CERT1: variants seen among roughly 807,000 people sequenced by gnomAD.
The protein encoded by CERT1 is ceramide transporter 1.
A neutral mutation model predicts 87.9 loss-of-function variants in CERT1; 31 were observed. That is an observed-to-expected ratio of 0.35 (90% CI 0.27 to 0.48). CERT1 has a LOEUF of 0.48. Ranked by LOEUF, CERT1 falls within the 20% of genes least tolerant of loss-of-function variation. The pLI is 0.99. For missense variants in CERT1, 487 were observed against 758.0 expected, an observed-to-expected ratio of 0.64 and a Z score of 4.20; for synonymous variants, 289 against 250.9, an observed-to-expected ratio of 1.15 and a Z score of -1.44.
rs151232177 is a variant in CERT1 at position 75,382,137 on chromosome 5, G to A, written c.1489-60C>T. 668 of 1,500,332 alleles carry A rather than the reference G, an allele frequency of 4.5e-4. 7 individuals are homozygous for A. The South Asian group carries it at 6.1e-3, about 14-fold the overall frequency. 92.9% of individuals were successfully genotyped at this position (1,500,332 alleles called of 1,614,324 possible). On this transcript the variant is annotated intron_variant, in intron 14 of 16. Transcript: ENST00000643780. ...CTAACATGGAACTAACAAGAGAAAC[G>A]TAATGCCAATAAATGTCTTAATTGA...
chr5:75,418,176 T>C (rs1242733649), intron 6 of CERT1, among the ~76,000 whole-genome samples: 1 of 151,656 alleles, frequency 6.6e-6, no homozygotes, highest in Non-Finnish European at 1.5e-5. Context: ...ATAATAATAA[T>C]CACCAAGCCC....
At chr5:75,435,712 T>A (rs1392451538) in intron 3 of CERT1, among the ~76,000 whole-genome samples, 1 of 152,196 alleles carries the variant, frequency 6.6e-6, no homozygotes, top group Admixed American at 6.5e-5. Flanking sequence ...TCAGCACTCC[T>A]TAGCGATGTG....
intron 12 of CERT1, 92 bp downstream of exon 12, chr5:75,389,500 G>C: frequency 2.2e-6 from 2 of 911,872 alleles, no homozygotes; most frequent in Non-Finnish European, 1.8e-6. Flanking sequence ...AAGGTAAGTT[G>C]AAAGTGCTAT....
chr5:75,391,432 G>C (rs892440719), intron 11 of CERT1, among the ~76,000 whole-genome samples: 4 of 152,076 alleles, frequency 2.6e-5, no homozygotes, highest in Non-Finnish European at 4.4e-5. Context: ...ATCTACTTTT[G>C]TACTAAATAA....
intron 3 of CERT1, among the ~76,000 whole-genome samples, chr5:75,435,343 G>A (rs1216745433): frequency 1.3e-5 from 2 of 152,180 alleles, no homozygotes; most frequent in African/African-American, 4.8e-5. Context: ...CTGTTTAACT[G>A]TGTTCCTTGG....
At chr5:75,447,502 G>T (rs925255887) in intron 3 of CERT1, among the ~76,000 whole-genome samples, 1 of 145,702 alleles carries the variant, frequency 6.9e-6, no homozygotes, top group Non-Finnish European at 1.5e-5. Flanking sequence ...ACGGAGTTTC[G>T]CTCTGTTGCC....
Position 75,384,678 on chromosome 5 carries a change from T to C in CERT1, c.1452A>G (p.Leu484=). ...TIENFHVVET[L]ADNAIIIYQT... ...GATAAATGATGATTGCATTATCAGC[T>C]AATGTTTCCACCACATGAAAGTTTT... Residue 484 remains leucine (L), a synonymous_variant, in exon 14 of 17, where the codon TTA becomes TTG. Transcript: ENST00000643780. 5 of 1,606,444 alleles carry C rather than the reference T, an allele frequency of 3.1e-6. No homozygotes were observed. Among genetic ancestry groups the C allele is most frequent in the Non-Finnish European group, 4.3e-6 (5 of 1,173,410 alleles).
At chr5:75,491,372 C>G (rs1043438839) in intron 2 of CERT1, among the ~76,000 whole-genome samples, 1 of 152,044 alleles carries the variant, frequency 6.6e-6, no homozygotes, top group African/African-American at 2.4e-5. Context: ...TTTCTGTCTT[C>G]CAGAAGTTAG....
intron 17 of CERT1, chr5:75,369,265 G>A (rs760019324): frequency 2.6e-5 from 4 of 152,056 alleles, no homozygotes; most frequent in Admixed American, 6.6e-5. Flanking sequence ...CTGGTTTATC[G>A]GAACGCAGCC....
chr5:75,427,107 C>T (rs944532393), intron 3 of CERT1, among the ~76,000 whole-genome samples: 3 of 152,162 alleles, frequency 2.0e-5, no homozygotes, highest in Non-Finnish European at 4.4e-5. Flanking sequence ...TTTTGCTAGT[C>T]TGTTAAGTCA....
At chr5:75,376,150 C>T (rs1343086523), downstream of CERT1, 1 of 152,186 alleles carries the variant, frequency 6.6e-6, no homozygotes, top group Non-Finnish European at 1.5e-5. Context: ...CGCTCTAAAT[C>T]CAAGTCTAGA....
chr5:75,441,315 C>T (rs1461498871), intron 3 of CERT1, among the ~76,000 whole-genome samples: 1 of 152,062 alleles, frequency 6.6e-6, no homozygotes, highest in Non-Finnish European at 1.5e-5. Flanking sequence ...ATAGACTATA[C>T]CATCTATACA....
At chr5:75,396,396 C>A (rs895047601) in intron 11 of CERT1, among the ~76,000 whole-genome samples, 3 of 152,130 alleles carry the variant, frequency 2.0e-5, no homozygotes, top group South Asian at 4.2e-4. Context: ...CCTCCCATAT[C>A]AAGCGCTGTG....
intron 2 of CERT1, among the ~76,000 whole-genome samples, chr5:75,465,018 C>G (rs1034716117): frequency 1.3e-5 from 2 of 152,222 alleles, no homozygotes; most frequent in African/African-American, 2.4e-5. Context: ...TTAGCTCTCT[C>G]ACATCTCTGC....
At chr5:75,478,569 C>T (rs970779249) in intron 2 of CERT1, among the ~76,000 whole-genome samples, 1 of 151,960 alleles carries the variant, frequency 6.6e-6, no homozygotes, top group South Asian at 2.1e-4. Context: ...AACAGAAGAA[C>T]TGATTAAAAG....
At chr5:75,407,830 A>C (rs1762774220) in intron 8 of CERT1, among the ~76,000 whole-genome samples, 1 of 151,794 alleles carries the variant, frequency 6.6e-6, no homozygotes, top group African/African-American at 2.4e-5. Flanking sequence ...CTGGGCCTTA[A>C]AGCGTGATAA....
chr5:75,397,927 G>A (rs1195352483), intron 11 of CERT1, among the ~76,000 whole-genome samples: 1 of 152,162 alleles, frequency 6.6e-6, no homozygotes, highest in African/African-American at 2.4e-5. Flanking sequence ...GCTGAGGCAG[G>A]AGAATTGCTT....
At position 75,511,124 on chromosome 5, in the gene CERT1, C is replaced by T. The variant is rs150201400; in HGVS notation, c.84G>A (p.Gly28=). Residue 28 remains glycine, a synonymous_variant, in exon 1 of 17, where the codon GGG becomes GGA. Coordinates refer to ENST00000643780, the MANE Select transcript of CERT1 (RefSeq NM_001379029.1). ...AGGGGTTGCTCACCTTACTGAGGAC[C>T]CCGCAGCGCTCCACAGGCGGCCCAG... ...TESGPPVERC[G]VLSKWTNYIH... 6.2e-5 allele frequency: 98 copies of T among 1,591,032 alleles called. No individual in the cohort carries two copies. Among genetic ancestry groups the T allele is most frequent in the Non-Finnish European group, 8.0e-5 (93 of 1,168,700 alleles).
chr5:75,408,049 T>A (rs1042920447), intron 8 of CERT1, among the ~76,000 whole-genome samples: 1 of 152,164 alleles, frequency 6.6e-6, no homozygotes, highest in Non-Finnish European at 1.5e-5. Context: ...ATTGAACAAC[T>A]CCTTGTTTCT....
Sources: gnomAD v4.1 joint callset for allele counts (sites outside exome capture counted in the v4.1 genomes callset) on GRCh38, gnomAD v4.1.1 for gene constraint, MANE v1.5 for transcripts, NCBI Gene and HGNC (gene_info 2026-07-23, HGNC 2026-07-21) for gene names.